The following WDSUB1 variants were observed in gnomAD, a reference collection of about 807,000 sequenced individuals.
WDSUB1 encodes the protein WD repeat, sterile alpha motif and U-box domain containing 1.
In WDSUB1, 49 loss-of-function variants were observed where a neutral mutation model predicts 53.9. The observed-to-expected ratio is 0.91, with a 90% CI of 0.72 to 1.15. The LOEUF (loss-of-function observed/expected upper bound fraction) is 1.15. Among genes scored for constraint, WDSUB1 ranks in the 50% most tolerant of loss-of-function variants. WDSUB1 has a pLI of 0.00. For missense variants in WDSUB1, 514 were observed against 562.0 expected (o/e 0.91, Z 0.86); for synonymous variants, 194 against 200.6 (o/e 0.97, Z 0.28).
chr2:159,254,553 C>G (rs1040086932), intron 9 of WDSUB1, among the ~76,000 whole-genome samples: 3 of 151,898 alleles, frequency 2.0e-5, no homozygotes, highest in Non-Finnish European at 4.4e-5. Context: ...AGAGGGAGAC[C>G]CTGTCTCAAA....
intron 5 of WDSUB1, among the ~76,000 whole-genome samples, chr2:159,267,483 T>C (rs1208133409): frequency 1.3e-5 from 2 of 152,010 alleles, no homozygotes; most frequent in Non-Finnish European, 2.9e-5. Context: ...TTAATTTTTT[T>C]TTGTAGGGAC....
At chr2:159,285,006 C>T (rs1463907426) in intron 1 of WDSUB1, among the ~76,000 whole-genome samples, 2 of 152,182 alleles carry the variant, frequency 1.3e-5, no homozygotes, top group Non-Finnish European at 2.9e-5. Flanking sequence ...CCTAGGCTAG[C>T]ACATCACTCT....
chr2:159,247,227 A>C (rs1414218361), intron 10 of WDSUB1, among the ~76,000 whole-genome samples: 1 of 152,236 alleles, frequency 6.6e-6, no homozygotes. Context: ...TACAGCTTTA[A>C]GTACCTAATA....
chr2:159,256,064 C>G (rs1261656705), intron 9 of WDSUB1, 132 bp downstream of exon 9: 1 of 758,818 alleles, frequency 1.3e-6, no homozygotes, highest in East Asian at 3.0e-5. Context: ...GCTAGGATGG[C>G]CATAATCAAG....
intron 5 of WDSUB1, among the ~76,000 whole-genome samples, chr2:159,260,437 A>C (rs576997228): frequency 6.6e-6 from 1 of 152,252 alleles, no homozygotes; most frequent in Admixed American, 6.5e-5. Flanking sequence ...ACGACTCTAT[A>C]ACAAGTTAGT....
At chr2:159,262,224 A>T (rs2061242509) in intron 5 of WDSUB1, among the ~76,000 whole-genome samples, 1 of 152,092 alleles carries the variant, frequency 6.6e-6, no homozygotes. Context: ...CTCATCACTT[A>T]ATAAGCAGGA....
chr2:159,282,857 C>T lies in WDSUB1; in HGVS notation c.213G>A (p.Ser71=), dbSNP rs201632464. The T allele has an allele frequency of 7.3e-5, 118 of 1,614,104 alleles. No individual in the cohort carries two copies. The East Asian group carries it at 2.2e-3, about 30-fold the overall frequency. The part of the protein sequence containing the change: ...CFSPSGHILA[S]CSTDGTTVLW... ...GGACAGTGGTACCATCTGTTGAACA[C>T]GATGCCAAAATATGTCCTGAAGGGG... The change falls in exon 2 of 11, where the codon TCG becomes TCA. Residue 71 remains serine, a synonymous_variant. Coordinates refer to ENST00000359774, the MANE Select transcript of WDSUB1 (RefSeq NM_001128212.3).
chr2:159,262,363 C>T (rs896179787), intron 5 of WDSUB1, among the ~76,000 whole-genome samples: 1 of 151,978 alleles, frequency 6.6e-6, no homozygotes, highest in African/African-American at 2.4e-5. Context: ...TACAAAGCAC[C>T]CTGAGTGTCT....
chr2:159,284,083 A>G (rs2061735482), intron 1 of WDSUB1, among the ~76,000 whole-genome samples: 1 of 152,168 alleles, frequency 6.6e-6, no homozygotes, highest in Admixed American at 6.5e-5. Flanking sequence ...AAGTGCTGGG[A>G]TAACCAGCGT....
At chr2:159,250,740 G>T (rs1428120483) in intron 9 of WDSUB1, among the ~76,000 whole-genome samples, 2 of 152,184 alleles carry the variant, frequency 1.3e-5, no homozygotes, top group Non-Finnish European at 2.9e-5. Context: ...AGTAGAGATA[G>T]ATAAGAGGTA....
At chr2:159,241,719 C>CTTTTTTTTTTTT (rs527377114) in intron 10 of WDSUB1, among the ~76,000 whole-genome samples, 9 of 130,332 alleles carry the variant, frequency 6.9e-5, no homozygotes, top group Non-Finnish European at 9.5e-5. Context: ...TTTCTTTTTT[C>CTTTTTTTTTTTT]TTTTTTTTTT....
intron 5 of WDSUB1, among the ~76,000 whole-genome samples, chr2:159,260,319 G>T (rs1358199679): frequency 2.0e-5 from 3 of 151,618 alleles, no homozygotes; most frequent in African/African-American, 7.3e-5. Flanking sequence ...AAAACAACAT[G>T]CCATATATAA....
chr2:159,270,809 TG>T (rs1016491300), intron 5 of WDSUB1, among the ~76,000 whole-genome samples: 9 of 151,978 alleles, frequency 5.9e-5, no homozygotes, highest in South Asian at 2.1e-4. Flanking sequence ...AAAATATATT[TG>T]CAACTAGCAA....
intron 4 of WDSUB1, among the ~76,000 whole-genome samples, chr2:159,273,938 T>A (rs13015480): frequency 6.6e-6 from 1 of 152,050 alleles, no homozygotes; most frequent in Admixed American, 6.6e-5. Context: ...TGAAGCTTAC[T>A]AGGTAACAAA....
At chr2:159,262,527 A>AG (rs907427345) in intron 5 of WDSUB1, among the ~76,000 whole-genome samples, 2 of 151,966 alleles carry the variant, frequency 1.3e-5, no homozygotes, top group African/African-American at 4.8e-5. Flanking sequence ...GGAAAAAAAA[A>AG]CAAAAAACGA....
rs149689076 is a variant in WDSUB1 at position 159,275,626 on chromosome 2, C to T, written c.596G>A (p.Gly199Asp). The change falls in exon 4 of 11, where the codon GGT becomes GAT. Residue 199 changes from glycine to aspartate, a missense_variant. Physicochemically the swap from Gly to Asp is moderately conservative, Grantham distance 94. Coordinates refer to ENST00000359774, the MANE Select transcript of WDSUB1 (RefSeq NM_001128212.3). Reference sequence around the variant, plus strand: ...TGATGCCAGTCGAAAAAACTGAAGACCTTGTTCTCCATCTAAAATTTATTA... The same window carrying T: ...TGATGCCAGTCGAAAAAACTGAAGATCTTGTTCTCCATCTAAAATTTATTA... ...SSQPVSDGEQGLQFFRLASCG... is the reference protein window; with the variant it reads ...SSQPVSDGEQDLQFFRLASCG... 1,235 of 1,595,486 alleles carry T rather than the reference C, an allele frequency of 7.7e-4. 1 individual carries two copies. Among genetic ancestry groups the T allele is most frequent in the Non-Finnish European group, 1.0e-3 (1,171 of 1,175,222 alleles).
chr2:159,272,616 C>G (rs934325209), intron 4 of WDSUB1, among the ~76,000 whole-genome samples: 1 of 152,116 alleles, frequency 6.6e-6, no homozygotes, highest in South Asian at 2.1e-4. Flanking sequence ...TTAAACTATA[C>G]CACAATTTTA....
intron 4 of WDSUB1, among the ~76,000 whole-genome samples, chr2:159,274,766 A>G (rs2061506485): frequency 6.6e-6 from 1 of 152,198 alleles, no homozygotes; most frequent in South Asian, 2.1e-4. Flanking sequence ...TCTTAAATGC[A>G]AACAGAGTAC....
chr2:159,246,760 T>C (rs1338647585), intron 10 of WDSUB1, among the ~76,000 whole-genome samples: 1 of 152,216 alleles, frequency 6.6e-6, no homozygotes, highest in Non-Finnish European at 1.5e-5. Flanking sequence ...GACAGGTTAA[T>C]GGATAAACAT....
Sources: allele counts gnomAD v4.1 joint callset (sites outside exome capture counted in the v4.1 genomes callset), GRCh38; gene constraint gnomAD v4.1.1; transcripts MANE v1.5; gene names NCBI Gene and HGNC (gene_info 2026-07-23, HGNC 2026-07-21).